PLEKHA5: variants seen among roughly 807,000 people sequenced by gnomAD.
PLEKHA5 encodes pleckstrin homology domain-containing family A member 5.
A neutral mutation model predicts 181.9 loss-of-function variants in PLEKHA5; 55 were observed. The ratio of observed to expected loss-of-function variants is 0.30; its 90% CI spans 0.24 to 0.38. The LOEUF (loss-of-function observed/expected upper bound fraction) is 0.38, where lower values mean the gene tolerates loss of function less well. PLEKHA5 is among the 10% of genes least tolerant of loss of function. PLEKHA5 has a pLI of 1.00. For synonymous variants in PLEKHA5, 535 were observed against 529.4 expected (o/e 1.01, Z -0.15); for missense variants, 1,432 against 1,549.5 (o/e 0.92, Z 1.27).
intron 2 of PLEKHA5, among the ~76,000 whole-genome samples, chr12:19,132,180 T>A (rs2034105562): frequency 2.6e-5 from 4 of 152,170 alleles, no homozygotes; most frequent in Admixed American, 2.6e-4. Context: ...GGTCAGATAA[T>A]CTCTAATATT....
intron 3 of PLEKHA5, among the ~76,000 whole-genome samples, chr12:19,189,917 C>T (rs2050705278): frequency 1.3e-5 from 2 of 152,146 alleles, no homozygotes; most frequent in African/African-American, 4.8e-5. Flanking sequence ...TTTAATGCCC[C>T]CACTTTCTAT....
intron 3 of PLEKHA5, among the ~76,000 whole-genome samples, chr12:19,216,535 C>G (rs186331338): frequency 2.6e-5 from 4 of 152,066 alleles, no homozygotes; most frequent in Admixed American, 2.0e-4. Context: ...TGGTAGCAGG[C>G]ACTTGTAGTC....
At chr12:19,224,845 T>A (rs1156397641) in intron 3 of PLEKHA5, among the ~76,000 whole-genome samples, 1 of 151,958 alleles carries the variant, frequency 6.6e-6, no homozygotes, top group Non-Finnish European at 1.5e-5. Context: ...TTGGAAAAAA[T>A]TAGTGTTTTA....
chr12:19,207,066 T>A (rs1422186177), intron 3 of PLEKHA5, among the ~76,000 whole-genome samples: 1 of 152,150 alleles, frequency 6.6e-6, no homozygotes, highest in Non-Finnish European at 1.5e-5. Context: ...CTAAAATATT[T>A]CAAGTGTATA....
intron 10 of PLEKHA5, among the ~76,000 whole-genome samples, chr12:19,272,878 A>G (rs375429701): frequency 1.3e-5 from 2 of 152,272 alleles, no homozygotes; most frequent in South Asian, 2.1e-4. Flanking sequence ...AGGGATACAT[A>G]TGCTTTTAGT....
intron 15 of PLEKHA5, among the ~76,000 whole-genome samples, chr12:19,302,906 ATTTTTTTTTTTTTTTTTT>A (rs34702332): frequency 7.4e-5 from 4 of 53,992 alleles, no homozygotes; most frequent in African/African-American, 3.0e-4. Flanking sequence ...TCTGTATGAA[ATTTTTTTTTTTTTTTTTT>A]TTTTTTTTTT....
intron 3 of PLEKHA5, among the ~76,000 whole-genome samples, chr12:19,169,012 A>G (rs910236453): frequency 6.6e-6 from 1 of 152,218 alleles, no homozygotes; most frequent in African/African-American, 2.4e-5. Context: ...CTACTGGCAC[A>G]TGATGGATAT....
chr12:19,357,454 C>T (rs1302535454), intron 26 of PLEKHA5, among the ~76,000 whole-genome samples: 1 of 152,052 alleles, frequency 6.6e-6, no homozygotes, highest in African/African-American at 2.4e-5. Context: ...CCATGTTGGC[C>T]AGGCTGGTCT....
Position 19,274,663 on chromosome 12 carries a change from A to G in PLEKHA5, c.993A>G (p.Glu331=). 6.2e-7 allele frequency: 1 copy of G among 1,614,064 alleles called. No individual in the cohort carries two copies. The highest frequency in any genetic ancestry group is 8.5e-7 in the Non-Finnish European group (1 of 1,179,930). Residue 331 remains glutamate, a synonymous_variant, in exon 11 of 32, where the codon GAA becomes GAG. Coordinates refer to ENST00000429027, the MANE Select transcript of PLEKHA5 (RefSeq NM_001256470.2). ...KIEEKKALEA[E]KYGFQKDGQD... is the part of the protein sequence containing the mutation. The stretch of plus-strand genomic sequence containing the variant: ...AAGAAAAAAAGGCATTAGAAGCTGA[A>G]AAATATGGATTTCAGAAGGATGGTC...
chr12:19,254,113 T>C lies in PLEKHA5; in HGVS notation c.311+90T>C, dbSNP rs186292003. On this transcript the variant is annotated intron_variant, in intron 4 of 31. Transcript: ENST00000429027. The stretch of plus-strand genomic sequence containing the variant: ...TTATATTTCAATTTAGCAGTTTTCT[T>C]ATCTGGACATTTGTAGTCAAGTATA... The C allele has an allele frequency of 1.5e-4, 114 of 780,746 alleles. 1 individual carries two copies. The African/African-American group carries it at 1.9e-3, about 13-fold the overall frequency. The allele number at this position is 780,746 out of a possible 1,614,324, so 48.4% of individuals were successfully genotyped here.
chr12:19,184,475 G>A (rs1033767205), intron 3 of PLEKHA5, among the ~76,000 whole-genome samples: 34 of 152,096 alleles, frequency 2.2e-4, no homozygotes, highest in South Asian at 1.0e-3. Context: ...TTATATTCTC[G>A]TGTAAGAGCT....
chr12:19,139,361 G>A lies in PLEKHA5; in HGVS notation c.227+6911G>A, dbSNP rs192952727. ...ATAGCATTTCAGGTGGCTAAAATCC[G>A]ACTTTCACAAAGGACTCCTGACATT... On this transcript the variant is annotated intron_variant, in intron 3 of 31. Transcript: ENST00000429027. 6.8e-4 allele frequency among the ~76,000 whole-genome samples: 104 copies of A among 152,164 alleles called. No homozygotes were observed. In the Middle Eastern group the frequency reaches 0.01, roughly 15 times the overall value.
At chr12:19,217,249 C>T (rs1329362526) in intron 3 of PLEKHA5, among the ~76,000 whole-genome samples, 2 of 152,062 alleles carry the variant, frequency 1.3e-5, no homozygotes, top group African/African-American at 4.8e-5. Context: ...ATTCTCTATG[C>T]CAGGGAGATG....
chr12:19,263,536 A>G (rs982948223), intron 7 of PLEKHA5, among the ~76,000 whole-genome samples: 3 of 152,236 alleles, frequency 2.0e-5, no homozygotes, highest in African/African-American at 7.2e-5. Context: ...GTGTGTTGTC[A>G]GAATTTTTTG....
At chr12:19,320,098 A>T (rs1373967715) in intron 17 of PLEKHA5, 42 bp downstream of exon 17, 9 of 742,728 alleles carry the variant, frequency 1.2e-5, no homozygotes, top group Non-Finnish European at 1.9e-5. Context: ...ACAATATGTT[A>T]TAGGTTTTGT....
chr12:19,335,563 C>T (rs1163888586), intron 20 of PLEKHA5, among the ~76,000 whole-genome samples: 7 of 149,896 alleles, frequency 4.7e-5, no homozygotes, highest in African/African-American at 1.7e-4. Context: ...TTACAGGCGC[C>T]TGCCACTGCG....
intron 22 of PLEKHA5, 46 bp downstream of exon 22, chr12:19,343,480 A>G: frequency 9.4e-7 from 1 of 1,063,696 alleles, no homozygotes; most frequent in Non-Finnish European, 1.5e-6. Flanking sequence ...ACAGTATTAC[A>G]GTCATGTGTC....
At position 19,129,810 on chromosome 12, in the gene PLEKHA5, A is replaced by T. The variant is rs1226825089; in HGVS notation, c.11A>T (p.Asp4Val). 6.3e-7 allele frequency: 1 copy of T among 1,599,802 alleles called. No homozygotes were observed. Among genetic ancestry groups the T allele is most frequent in the African/African-American group, 1.4e-5 (1 of 73,074 alleles). Residue 4 changes from aspartate (D) to valine (V), a missense_variant, in exon 1 of 32, where the codon GAT becomes GTT. Asp to Val is a radical substitution (Grantham distance 152, BLOSUM62 -3). Coordinates refer to ENST00000429027, the MANE Select transcript of PLEKHA5 (RefSeq NM_001256470.2). The stretch of plus-strand genomic sequence containing the variant: ...GGCTAGGGATCAGACATGGCGGCGG[A>T]TCTGAACCTGGAGTGGATCTCCCTG... MAA[D>V]LNLEWISLPR...
At chr12:19,353,806 C>A in intron 25 of PLEKHA5, 78 bp from the exon 26 acceptor site, 2 of 757,276 alleles carry the variant, frequency 2.6e-6, no homozygotes, top group South Asian at 3.1e-5. Flanking sequence ...TAAAAAGTGT[C>A]AGAAATTAAG....
Sources: allele counts gnomAD v4.1 joint callset (sites outside exome capture counted in the v4.1 genomes callset), GRCh38; gene constraint gnomAD v4.1.1; transcripts MANE v1.5; gene names NCBI Gene and HGNC (gene_info 2026-07-23, HGNC 2026-07-21).